SLC25A13: variants seen among roughly 807,000 people sequenced by gnomAD.
SLC25A13 encodes solute carrier family 25 member 13, also known as electrogenic aspartate/glutamate antiporter SLC25A13, mitochondrial.
In SLC25A13, 70 loss-of-function variants were observed where a neutral mutation model predicts 85.5. The ratio of observed to expected loss-of-function variants is 0.82; its 90% CI spans 0.68 to 1.00. SLC25A13 has a LOEUF of 1.00. Ranked by LOEUF, SLC25A13 falls within the 50% of genes least tolerant of loss-of-function variation. The pLI is 0.00. For synonymous variants in SLC25A13, 259 were observed against 288.7 expected (o/e 0.90, Z 1.04); for missense variants, 765 against 819.8 (o/e 0.93, Z 0.82).
chr7:96,141,016 TTTC>T (rs1308219910), intron 14 of SLC25A13, among the ~76,000 whole-genome samples: 6 of 135,174 alleles, frequency 4.4e-5, no homozygotes, highest in Admixed American at 2.3e-4. Flanking sequence ...TTCTTTTTTC[TTTC>T]TTTTTTTTTT....
At chr7:96,193,879 CA>C (rs1249120425) in intron 5 of SLC25A13, among the ~76,000 whole-genome samples, 2 of 152,148 alleles carry the variant, frequency 1.3e-5, no homozygotes, top group Non-Finnish European at 2.9e-5. Flanking sequence ...GTATGTGGAT[CA>C]GGGGAGGTAA....
rs543565958 is a variant in SLC25A13, at chr7:96,299,362, T to C, written c.16-2411A>G. ...AAGACAGAGAATGACCCAACACTTA[T>C]AAGGCATGTTGCCTAACATTTACAG... is the stretch of plus-strand genomic sequence containing the variant. On this transcript the variant is annotated intron_variant, in intron 1 of 17. Transcript: ENST00000265631. Among the ~76,000 whole-genome samples, 151 of 152,320 alleles carry C rather than the reference T, an allele frequency of 9.9e-4. 2 individuals carry two copies. Among genetic ancestry groups the C allele is most frequent in the Non-Finnish European group, 1.2e-3 (80 of 68,026 alleles).
intron 1 of SLC25A13, among the ~76,000 whole-genome samples, chr7:96,319,214 T>A (rs1007391457): frequency 1.3e-5 from 2 of 152,098 alleles, no homozygotes; most frequent in African/African-American, 4.8e-5. Flanking sequence ...ATATCTGTGG[T>A]CACAAGGTAG....
intron 11 of SLC25A13, among the ~76,000 whole-genome samples, 185 bp downstream of exon 11, chr7:96,184,092 T>C (rs1478167287): frequency 2.0e-5 from 3 of 152,180 alleles, no homozygotes; most frequent in Non-Finnish European, 4.4e-5. Flanking sequence ...AATTTTCAGA[T>C]TATGGGCTGT....
intron 13 of SLC25A13, among the ~76,000 whole-genome samples, chr7:96,166,229 A>G (rs544265550): frequency 6.6e-6 from 1 of 152,366 alleles, no homozygotes; most frequent in Non-Finnish European, 1.5e-5. Flanking sequence ...ACACTCACGC[A>G]CACACATGTG....
chr7:96,243,661 C>A (rs1227376643), intron 3 of SLC25A13, among the ~76,000 whole-genome samples: 2 of 152,050 alleles, frequency 1.3e-5, no homozygotes, highest in Non-Finnish European at 2.9e-5. Flanking sequence ...TCAGGAAAAG[C>A]CTCTGGTGAG....
At chr7:96,227,068 T>C (rs900800106) in intron 4 of SLC25A13, among the ~76,000 whole-genome samples, 2 of 152,236 alleles carry the variant, frequency 1.3e-5, no homozygotes, top group African/African-American at 4.8e-5. Flanking sequence ...AAGAAGGTAA[T>C]ACTTATTTGT....
At chr7:96,153,670 G>T (rs1454359400) in intron 13 of SLC25A13, among the ~76,000 whole-genome samples, 1 of 152,180 alleles carries the variant, frequency 6.6e-6, no homozygotes, top group Non-Finnish European at 1.5e-5. Flanking sequence ...TCTCACCCAG[G>T]CTATTATCAG....
chr7:96,280,437 A>G (rs1231252095), intron 2 of SLC25A13, among the ~76,000 whole-genome samples: 1 of 152,104 alleles, frequency 6.6e-6, no homozygotes, highest in Non-Finnish European at 1.5e-5. Flanking sequence ...AATGCAAGGC[A>G]GGGCACACTG....
chr7:96,275,836 C>A (rs35901868), intron 3 of SLC25A13, among the ~76,000 whole-genome samples: 1 of 151,870 alleles, frequency 6.6e-6, no homozygotes, highest in African/African-American at 2.4e-5. Flanking sequence ...TGTATACATA[C>A]GTAACTAACC....
intron 3 of SLC25A13, among the ~76,000 whole-genome samples, chr7:96,261,446 T>C (rs1257025540): frequency 6.6e-6 from 1 of 152,172 alleles, no homozygotes; most frequent in Admixed American, 6.5e-5. Flanking sequence ...CCATATATCA[T>C]TTATTTCAGA....
chr7:96,234,892 C>G lies in SLC25A13; in HGVS notation c.238G>C (p.Ala80Pro). The G allele has an allele frequency of 6.2e-7, 1 of 1,613,548 alleles. No individual in the cohort carries two copies. The highest frequency in any genetic ancestry group is 1.7e-5 in the Admixed American group (1 of 60,006). Residue 80 changes from alanine (A) to proline (P), a missense_variant, in exon 4 of 18, where the codon GCC (alanine) becomes CCC (proline). Physicochemically the swap from Ala to Pro is conservative, Grantham distance 27. Coordinates refer to ENST00000265631, the MANE Select transcript of SLC25A13 (RefSeq NM_014251.3). Reference sequence around the variant, plus strand: ...GGGGCACACAGGACAGATTCAAAGGCAACAAATTCTTGAAAAGATATTAAT... The same window carrying G: ...GGGGCACACAGGACAGATTCAAAGGGAACAAATTCTTGAAAAGATATTAAT... ...DGLISFQEFV[A>P]FESVLCAPDA... is the part of the protein sequence containing the mutation.
chr7:96,161,036 G>A (rs965061764), intron 13 of SLC25A13, among the ~76,000 whole-genome samples: 41 of 137,844 alleles, frequency 3.0e-4, no homozygotes, highest in Admixed American at 2.6e-3. Flanking sequence ...TCTTTTCTAT[G>A]ATTCCTTCAT....
At chr7:96,203,501 C>T (rs940650091) in intron 5 of SLC25A13, among the ~76,000 whole-genome samples, 5 of 152,192 alleles carry the variant, frequency 3.3e-5, no homozygotes, top group Non-Finnish European at 5.9e-5. Flanking sequence ...TCTGTTCACT[C>T]AGCTTTCATA....
chr7:96,125,716 A>G (rs940623137), intron 15 of SLC25A13, among the ~76,000 whole-genome samples: 12 of 147,690 alleles, frequency 8.1e-5, no homozygotes, highest in African/African-American at 2.2e-4. Context: ...CTCCTTTTCT[A>G]TCTCTATATT....
chr7:96,196,999 A>G (rs1795087959), intron 5 of SLC25A13, among the ~76,000 whole-genome samples: 1 of 152,304 alleles, frequency 6.6e-6, no homozygotes, highest in South Asian at 2.1e-4. Flanking sequence ...CCTATAAGGT[A>G]GGTACTATTA....
intron 1 of SLC25A13, chr7:96,306,676 G>A (rs1799756996): frequency 1.4e-6 from 1 of 738,516 alleles, no homozygotes; most frequent in Non-Finnish European, 2.1e-6. Context: ...CTTCTCCTAG[G>A]ATGGGAGTAC....
chr7:96,209,024 C>T (rs1172161863), intron 4 of SLC25A13, 47 bp from the exon 5 acceptor site: 1 of 1,593,944 alleles, frequency 6.3e-7, no homozygotes, highest in African/African-American at 1.3e-5. Flanking sequence ...AAATGAAGTT[C>T]TTTCTGATAA....
chr7:96,286,236 G>T (rs574779562), intron 2 of SLC25A13, among the ~76,000 whole-genome samples: 1 of 142,996 alleles, frequency 7.0e-6, no homozygotes, highest in Non-Finnish European at 1.5e-5. Context: ...AGTGAGCCAA[G>T]ATCATACCAC....
Sources: gnomAD v4.1 joint callset for allele counts (sites outside exome capture counted in the v4.1 genomes callset) on GRCh38, gnomAD v4.1.1 for gene constraint, MANE v1.5 for transcripts, NCBI Gene and HGNC (gene_info 2026-07-23, HGNC 2026-07-21) for gene names.